Variants in PTPRN2 observed in about 807,000 individuals in gnomAD.
PTPRN2 encodes the protein receptor-type tyrosine-protein phosphatase N2.
PTPRN2 carries 74 observed loss-of-function variants against 118.8 expected under a neutral mutation model. The observed-to-expected ratio is 0.62, with a 90% CI of 0.52 to 0.76. PTPRN2 has a LOEUF of 0.76. Ranked by LOEUF, PTPRN2 falls within the 30% of genes least tolerant of loss-of-function variation. The pLI is 0.00. For synonymous variants in PTPRN2, 641 were observed against 608.0 expected (o/e 1.05, Z -0.80); for missense variants, 1,481 against 1,394.4 (o/e 1.06, Z -0.99).
intron 11 of PTPRN2, among the ~76,000 whole-genome samples, chr7:157,939,213 C>T (rs757343110): frequency 2.0e-5 from 3 of 152,208 alleles, no homozygotes; most frequent in Non-Finnish European, 2.9e-5. Context: ...AAGTAAAGCA[C>T]GCAGGTCCCC....
intron 3 of PTPRN2, among the ~76,000 whole-genome samples, chr7:158,297,649 C>A (rs754485204): frequency 6.6e-6 from 1 of 152,150 alleles, no homozygotes; most frequent in Non-Finnish European, 1.5e-5. Flanking sequence ...AAAATATAAT[C>A]AGGTTTCTTG....
chr7:157,617,391 G>A lies in PTPRN2; in HGVS notation c.2344+3971C>T, dbSNP rs532023998. The A allele has an allele frequency of 1.4e-5, 2 of 147,682 alleles. No homozygotes were observed. Among genetic ancestry groups the A allele is most frequent in the East Asian group, 2.0e-4 (1 of 5,030 alleles). 9.1% of individuals were successfully genotyped at this position (147,682 alleles called of 1,614,324 possible). On this transcript the variant is annotated intron_variant, in intron 15 of 22. Coordinates refer to ENST00000389418, the MANE Select transcript of PTPRN2 (RefSeq NM_002847.5). This position sits in a 1 kb window ranked among gnomAD's most constrained non-coding sequence, Gnocchi z 7.5. ...AGCTGCAGCGCAGAGCACGGGCGAC[G>A]CTGGCTCACGATGCCCCAGTGATGC...
At chr7:158,532,475 G>T (rs1825318658) in intron 1 of PTPRN2, among the ~76,000 whole-genome samples, 1 of 152,172 alleles carries the variant, frequency 6.6e-6, no homozygotes, top group East Asian at 1.9e-4. Context: ...CATGAGATTT[G>T]CTCAGACTTT....
At chr7:157,639,119 C>T (rs1804516877) in intron 14 of PTPRN2, among the ~76,000 whole-genome samples, 1 of 150,902 alleles carries the variant, frequency 6.6e-6, no homozygotes, top group Admixed American at 6.6e-5. Context: ...TCACTGCAAC[C>T]TCTGCCTCCT....
intron 2 of PTPRN2, among the ~76,000 whole-genome samples, chr7:158,327,414 T>C (rs920229094): frequency 1.3e-5 from 2 of 150,222 alleles, no homozygotes; most frequent in Non-Finnish European, 3.0e-5. Context: ...TGCTCACACA[T>C]GTACACGTTC....
rs139246871 is a variant in PTPRN2, at chr7:158,037,646, A to G, written c.1723+43652T>C. 5.4e-3 allele frequency among the ~76,000 whole-genome samples: 820 copies of G among 152,352 alleles called. 3 individuals carry two copies. Among genetic ancestry groups the G allele is most frequent in the Non-Finnish European group, 7.9e-3 (538 of 68,040 alleles). ...CCCTCATGTATGCAGTCAGTAGTTG[A>G]CTGAAACGCTGTTATGTGGCAATGA... On this transcript the variant is annotated intron_variant, in intron 11 of 22. Transcript: ENST00000389418.
intron 3 of PTPRN2, among the ~76,000 whole-genome samples, chr7:158,313,336 AG>A (rs1802029337): frequency 6.6e-6 from 1 of 152,208 alleles, no homozygotes; most frequent in African/African-American, 2.4e-5. Flanking sequence ...CAGCTGTGTC[AG>A]AACCAGCTGG....
chr7:157,873,067 G>A (rs906533076), intron 12 of PTPRN2, among the ~76,000 whole-genome samples: 1 of 152,240 alleles, frequency 6.6e-6, no homozygotes, highest in Non-Finnish European at 1.5e-5. Flanking sequence ...GCCCCTGGCC[G>A]TGTATGTCCC....
At chr7:157,546,085 G>A (rs575549489) in intron 22 of PTPRN2, among the ~76,000 whole-genome samples, 4 of 152,176 alleles carry the variant, frequency 2.6e-5, no homozygotes, top group African/African-American at 9.7e-5. Context: ...GAATTTATGT[G>A]CATGCTCCAA....
At chr7:158,575,271 T>C (rs1278109107) in intron 1 of PTPRN2, among the ~76,000 whole-genome samples, 3 of 152,234 alleles carry the variant, frequency 2.0e-5, no homozygotes. Context: ...TATCTGACGT[T>C]CTTTCAGAGT....
At chr7:157,683,613 A>C (rs1797017710) in intron 12 of PTPRN2, among the ~76,000 whole-genome samples, 1 of 151,832 alleles carries the variant, frequency 6.6e-6, no homozygotes, top group Admixed American at 6.6e-5. Context: ...GGAGCTGCAG[A>C]GCCTTTGGAA....
chr7:157,668,678 C>T (rs894978966), intron 13 of PTPRN2, among the ~76,000 whole-genome samples: 1 of 152,124 alleles, frequency 6.6e-6, no homozygotes, highest in Non-Finnish European at 1.5e-5. Flanking sequence ...GCAGAAGCCG[C>T]GGGGCCCGGT....
intron 3 of PTPRN2, among the ~76,000 whole-genome samples, chr7:158,273,291 C>G (rs1022254380): frequency 6.6e-6 from 1 of 152,194 alleles, no homozygotes; most frequent in African/African-American, 2.4e-5. Flanking sequence ...TGAGCACCCA[C>G]CGCAAGCCCA....
At chr7:158,124,140 C>A (rs1817419973) in intron 9 of PTPRN2, among the ~76,000 whole-genome samples, 1 of 152,248 alleles carries the variant, frequency 6.6e-6, no homozygotes, top group Non-Finnish European at 1.5e-5. Context: ...GTGTACACAG[C>A]AGCATTCCAT....
At chr7:158,335,804 G>C (rs866830122) in intron 2 of PTPRN2, among the ~76,000 whole-genome samples, 2 of 6,716 alleles carry the variant, frequency 3.0e-4, no homozygotes, top group Admixed American at 9.4e-4. Context: ...ACCATAAGAG[G>C]TGACACCTGC....
chr7:157,834,942 A>T (rs955869957), intron 12 of PTPRN2, among the ~76,000 whole-genome samples: 1 of 152,214 alleles, frequency 6.6e-6, no homozygotes, highest in Admixed American at 6.5e-5. Flanking sequence ...CGAGCCACAG[A>T]TCTGGGGAAA....
At chr7:157,783,207 T>C (rs1442649695) in intron 12 of PTPRN2, among the ~76,000 whole-genome samples, 2 of 152,288 alleles carry the variant, frequency 1.3e-5, no homozygotes, top group East Asian at 3.9e-4. Flanking sequence ...ATTAAACCTC[T>C]TTCCTTCATA....
At chr7:157,588,383 C>T (rs976611103) in intron 17 of PTPRN2, among the ~76,000 whole-genome samples, 1 of 152,194 alleles carries the variant, frequency 6.6e-6, no homozygotes, top group Non-Finnish European at 1.5e-5. Context: ...ATATCGATGC[C>T]CGCGGCCCCT....
chr7:158,101,643 C>T (rs770276607), intron 10 of PTPRN2, among the ~76,000 whole-genome samples: 7 of 152,228 alleles, frequency 4.6e-5, no homozygotes, highest in Non-Finnish European at 7.3e-5. Flanking sequence ...TCACACCTTC[C>T]ATTGCACCAA....
Sources: allele counts gnomAD v4.1 joint callset (sites outside exome capture counted in the v4.1 genomes callset), GRCh38; gene constraint gnomAD v4.1.1; non-coding constraint Gnocchi (gnomAD v3.1); transcripts MANE v1.5; gene names NCBI Gene and HGNC (gene_info 2026-07-23, HGNC 2026-07-21).